Variants in GLT1D1 observed in about 807,000 individuals in gnomAD.
GLT1D1 encodes the protein glycosyltransferase 1 domain-containing protein 1.
Under a neutral mutation model 28.7 loss-of-function variants are expected in GLT1D1, and 21 were observed. The ratio of observed to expected loss-of-function variants is 0.73; its 90% CI spans 0.52 to 1.05. The LOEUF is 1.05. Ranked by LOEUF, GLT1D1 falls within the 50% of genes least tolerant of loss-of-function variation. The probability of loss-of-function intolerance (pLI) is 0.00; values close to 1 mark genes in which losing one functional copy is unlikely to be tolerated. For synonymous variants in GLT1D1, 147 were observed against 124.8 expected, an observed-to-expected ratio of 1.18 and a Z score of -1.19; for missense variants, 343 against 330.6, an observed-to-expected ratio of 1.04 and a Z score of -0.29.
chr12:128,922,889 C>T (rs1398575867), intron 4 of GLT1D1, among the ~76,000 whole-genome samples: 1 of 142,300 alleles, frequency 7.0e-6, no homozygotes, highest in African/African-American at 2.6e-5. Context: ...CACCACTGCA[C>T]TCCAGCCTGG....
chr12:128,926,391 T>C (rs1686914717), intron 4 of GLT1D1: 2 of 1,531,470 alleles, frequency 1.3e-6, no homozygotes, highest in African/African-American at 2.7e-5. Context: ...TTTGCACATA[T>C]TTCTTCTGAT....
intron 6 of GLT1D1, 72 bp from the exon 11 acceptor site, chr12:128,957,473 G>T (rs188570978): frequency 2.0e-6 from 2 of 1,001,510 alleles, no homozygotes; most frequent in Non-Finnish European, 1.6e-6. Flanking sequence ...ATTCTGCCCC[G>T]CCCTGACTCA....
At chr12:128,884,799 G>A in intron 2 of GLT1D1, among the ~76,000 whole-genome samples, 1 of 151,990 alleles carries the variant, frequency 6.6e-6, no homozygotes, top group Admixed American at 6.6e-5. Flanking sequence ...GGGTGACCAA[G>A]TGAGACTCTG....
rs576850742 is a variant in GLT1D1 at position 128,901,467 on chromosome 12, C to T, written c.375+2180C>T. Among the ~76,000 whole-genome samples the T allele has an allele frequency of 3.8e-3, 566 of 148,610 alleles. 6 individuals are homozygous for T. Among genetic ancestry groups the T allele is most frequent in the Non-Finnish European group, 3.0e-3 (203 of 67,372 alleles). On this transcript the variant is annotated intron_variant, in intron 4 of 7. Coordinates refer to ENST00000281703, the MANE Select transcript of GLT1D1 (RefSeq NM_144669.3). The stretch of plus-strand genomic sequence containing the variant: ...TTTTTTTTTTTCTGAGATGGAGTCT[C>T]GCTCTGTCGCCCAGGCTGGAGTGCA...
intron 7 of GLT1D1, among the ~76,000 whole-genome samples, chr12:128,972,296 A>G (rs1191787220): frequency 6.6e-6 from 1 of 152,246 alleles, no homozygotes; most frequent in Non-Finnish European, 1.5e-5. Context: ...GGCTCCTTCC[A>G]TGGCCTGGCT....
intron 1 of GLT1D1, 124 bp downstream of exon 1, chr12:128,853,773 G>A: frequency 1.5e-6 from 1 of 647,640 alleles, no homozygotes; most frequent in Non-Finnish European, 1.9e-6. Context: ...GTCCCGAGCC[G>A]CGCGCACAAA....
intron 4 of GLT1D1, among the ~76,000 whole-genome samples, chr12:128,939,283 C>T (rs1219785098): frequency 3.3e-5 from 5 of 151,838 alleles, no homozygotes; most frequent in African/African-American, 1.2e-4. Context: ...CATTTGAGGC[C>T]GGGTGCAGCA....
At chr12:128,980,289 T>G (rs2135559300) in intron 7 of GLT1D1, among the ~76,000 whole-genome samples, 1 of 152,290 alleles carries the variant, frequency 6.6e-6, no homozygotes, top group Admixed American at 6.5e-5. Context: ...CAGGACCAAC[T>G]TTTGGAAGTG....
chr12:128,863,807 G>C (rs541642234), intron 1 of GLT1D1, among the ~76,000 whole-genome samples: 2 of 151,994 alleles, frequency 1.3e-5, no homozygotes, highest in African/African-American at 2.4e-5. Flanking sequence ...GTAGCCACAC[G>C]TGGTGGCGGG....
At chr12:128,910,670 G>A (rs900712330) in intron 4 of GLT1D1, among the ~76,000 whole-genome samples, 4 of 148,224 alleles carry the variant, frequency 2.7e-5, no homozygotes, top group African/African-American at 7.3e-5. Flanking sequence ...TAATTTCAAT[G>A]GTCGCCTTTA....
chr12:128,861,287 T>G (rs1186149760), intron 1 of GLT1D1, among the ~76,000 whole-genome samples: 1 of 151,902 alleles, frequency 6.6e-6, no homozygotes, highest in Non-Finnish European at 1.5e-5. Context: ...CAGAATGGAG[T>G]AGTTAGAACA....
At chr12:128,874,154 C>T (rs867479868) in intron 1 of GLT1D1, among the ~76,000 whole-genome samples, 1 of 117,438 alleles carries the variant, frequency 8.5e-6, no homozygotes, top group Non-Finnish European at 1.8e-5. Flanking sequence ...TTCTTTCTTT[C>T]TTTCTTTCTT....
At chr12:128,981,795 C>T (rs1271420615) in intron 7 of GLT1D1, among the ~76,000 whole-genome samples, 3 of 152,124 alleles carry the variant, frequency 2.0e-5, no homozygotes, top group Non-Finnish European at 2.9e-5. Flanking sequence ...ATTTGCTATC[C>T]TCTCAACACC....
At chr12:128,883,362 C>T (rs964542224) in intron 2 of GLT1D1, among the ~76,000 whole-genome samples, 18 of 149,802 alleles carry the variant, frequency 1.2e-4, no homozygotes, top group African/African-American at 2.7e-4. Flanking sequence ...GAGGCTGAGG[C>T]GGGGGGATCA....
intron 4 of GLT1D1, among the ~76,000 whole-genome samples, chr12:128,942,456 T>A (rs1354523637): frequency 6.6e-6 from 1 of 152,134 alleles, no homozygotes; most frequent in African/African-American, 2.4e-5. Flanking sequence ...GGAAAATAAA[T>A]TTTTTTCCCC....
chr12:128,875,486 T>C (rs1956848836), intron 1 of GLT1D1, among the ~76,000 whole-genome samples: 1 of 152,188 alleles, frequency 6.6e-6, no homozygotes, highest in African/African-American at 2.4e-5. Flanking sequence ...AGTCATCTTG[T>C]GGAATTCATT....
chr12:128,877,461 C>T (rs1246421397), intron 2 of GLT1D1, among the ~76,000 whole-genome samples: 1 of 152,112 alleles, frequency 6.6e-6, no homozygotes, highest in Admixed American at 6.5e-5. Context: ...GCTCTTTTTC[C>T]TGCCTCCTGT....
At chr12:128,856,256 G>A (rs888719012) in intron 1 of GLT1D1, among the ~76,000 whole-genome samples, 9 of 152,142 alleles carry the variant, frequency 5.9e-5, no homozygotes, top group Non-Finnish European at 7.3e-5. Flanking sequence ...GTCTTGGCTG[G>A]CTTCTTTACT....
At chr12:128,978,453 G>A (rs186008897) in intron 7 of GLT1D1, among the ~76,000 whole-genome samples, 26 of 152,278 alleles carry the variant, frequency 1.7e-4, no homozygotes, top group Admixed American at 2.6e-4. Context: ...TCCTGAGGTC[G>A]GTGGGAATTG....
Sources: allele counts gnomAD v4.1 joint callset (sites outside exome capture counted in the v4.1 genomes callset), GRCh38; gene constraint gnomAD v4.1.1; transcripts MANE v1.5; gene names NCBI Gene and HGNC (gene_info 2026-07-23, HGNC 2026-07-21).